ADORA1: variants seen among roughly 807,000 people sequenced by gnomAD.
ADORA1 encodes adenosine receptor A1.
A neutral mutation model predicts 19.9 loss-of-function variants in ADORA1; 6 were observed. That is an observed-to-expected ratio of 0.30 (90% CI 0.17 to 0.59). The LOEUF (loss-of-function observed/expected upper bound fraction) is 0.59. Ranked by LOEUF, ADORA1 falls within the 20% of genes least tolerant of loss-of-function variation. The pLI is 0.87. For missense variants in ADORA1, 302 were observed against 439.2 expected, an observed-to-expected ratio of 0.69 and a Z score of 2.79; for synonymous variants, 194 against 188.4, an observed-to-expected ratio of 1.03 and a Z score of -0.24.
intron 3 of ADORA1, among the ~76,000 whole-genome samples, chr1:203,158,960 C>T (rs1655280111): frequency 6.6e-6 from 1 of 152,226 alleles, no homozygotes; most frequent in Admixed American, 6.5e-5. Context: ...TTCAAGAGGG[C>T]AGAGCTCTCA....
intron 3 of ADORA1, among the ~76,000 whole-genome samples, chr1:203,135,109 C>A (rs959576959): frequency 1.2e-4 from 18 of 152,282 alleles, no homozygotes; most frequent in African/African-American, 4.1e-4. Context: ...GGGTAGCTTT[C>A]TAGTCAATGT....
At chr1:203,153,019 T>G (rs1655085775) in intron 3 of ADORA1, among the ~76,000 whole-genome samples, 1 of 152,162 alleles carries the variant, frequency 6.6e-6, no homozygotes, top group South Asian at 2.1e-4. Context: ...CACCCCACCC[T>G]CTGAAGCCCC....
chr1:203,144,849 T>C (rs1021519782), intron 3 of ADORA1: 3 of 151,610 alleles, frequency 2.0e-5, no homozygotes, highest in African/African-American at 7.3e-5. Flanking sequence ...ACAGGAAGAG[T>C]AGGGCCTGGA....
chr1:203,132,376 C>G (rs553814420), intron 3 of ADORA1, among the ~76,000 whole-genome samples: 5 of 152,126 alleles, frequency 3.3e-5, no homozygotes, highest in Non-Finnish European at 7.4e-5. Flanking sequence ...GGGAAGGAGA[C>G]CCTAGCAAGG....
At chr1:203,147,057 T>C (rs1461965778) in intron 3 of ADORA1, among the ~76,000 whole-genome samples, 1 of 152,218 alleles carries the variant, frequency 6.6e-6, no homozygotes, top group Non-Finnish European at 1.5e-5. Flanking sequence ...CTGGGTTCAG[T>C]CTCAGCTTAA....
At position 203,166,124 on chromosome 1, in the gene ADORA1, C is replaced by T. The variant is rs201011370; in HGVS notation, c.*224C>T. 52 of 501,338 alleles carry T rather than the reference C, an allele frequency of 1.0e-4. No homozygotes were observed. Among genetic ancestry groups the T allele is most frequent in the South Asian group, 1.0e-3 (16 of 15,642 alleles). The allele number at this position is 501,338 out of a possible 1,614,324, so 31.1% of individuals were successfully genotyped here. A position where few individuals can be genotyped will look rare whatever the true frequency, so the allele number is the denominator to read the frequency against. On this transcript the variant is annotated 3_prime_UTR_variant, in exon 4 of 4. Coordinates refer to ENST00000337894, the MANE Select transcript of ADORA1 (RefSeq NM_000674.3). ...GAGGCCTGGGAGGGCAAGGGTCCTA[C>T]GGAGGGACCAGGTGTCTAGAGGCAA...
chr1:203,153,047 T>A (rs894983793), intron 3 of ADORA1, among the ~76,000 whole-genome samples: 3 of 152,116 alleles, frequency 2.0e-5, no homozygotes, highest in African/African-American at 7.2e-5. Context: ...TCAGAACCAC[T>A]GAGCAAATCC....
intron 3 of ADORA1, among the ~76,000 whole-genome samples, chr1:203,154,832 C>T (rs1474505010): frequency 6.6e-6 from 1 of 152,174 alleles, no homozygotes; most frequent in African/African-American, 2.4e-5. Context: ...ACTCCAGTCT[C>T]ATCCCTGCAG....
At chr1:203,153,697 C>A (rs2102757876) in intron 3 of ADORA1, among the ~76,000 whole-genome samples, 1 of 152,272 alleles carries the variant, frequency 6.6e-6, no homozygotes, top group Non-Finnish European at 1.5e-5. Context: ...ATCCTGCCCC[C>A]TCCCCAGGGC....
chr1:203,148,044 C>A (rs1654916839), intron 3 of ADORA1, among the ~76,000 whole-genome samples: 1 of 152,124 alleles, frequency 6.6e-6, no homozygotes, highest in Non-Finnish European at 1.5e-5. Flanking sequence ...CATGATGAAA[C>A]CCCGTCTCTA....
Position 203,159,852 on chromosome 1 carries a change from C to T in ADORA1, c.342-5409C>T, listed in dbSNP as rs550839375. On this transcript the variant is annotated intron_variant, in intron 3 of 3. Transcript: ENST00000337894. ...GCAAGAACAAGACAGCAACTAAATACCTAGGCAGCACATGCATGTGAACAG... is the reference window on the plus strand; with the variant it reads ...GCAAGAACAAGACAGCAACTAAATATCTAGGCAGCACATGCATGTGAACAG... Among the ~76,000 whole-genome samples, 39 of 152,350 alleles carry T rather than the reference C, an allele frequency of 2.6e-4. No individual in the cohort carries two copies. In the Middle Eastern group the frequency reaches 0.01, roughly 40 times the overall value.
chr1:203,128,709 T>C lies in ADORA1; in HGVS notation c.-57-76T>C. 1 of 1,472,460 alleles carries C rather than the reference T, an allele frequency of 6.8e-7. No homozygotes were observed. The highest frequency in any genetic ancestry group is 9.0e-7 in the Non-Finnish European group (1 of 1,112,602). The allele number at this position is 1,472,460 out of a possible 1,614,324, so 91.2% of individuals were successfully genotyped here. ...CAAGTGGGACACATCACAGGGTACC[T>C]GGAGTTCCAGGGCAGCCTGAGCTCC... is the stretch of plus-strand genomic sequence containing the variant. On this transcript the variant is annotated intron_variant, in intron 2 of 3. Transcript: ENST00000337894. The surrounding 1 kb of genome is among the most constrained non-coding windows in gnomAD (Gnocchi z 5.9).
At chr1:203,147,234 G>A (rs1351545842) in intron 3 of ADORA1, among the ~76,000 whole-genome samples, 2 of 152,214 alleles carry the variant, frequency 1.3e-5, no homozygotes, top group Non-Finnish European at 2.9e-5. Context: ...GCTCTGCCAG[G>A]GGTGTTGTGA....
chr1:203,136,020 C>T (rs1302490623), intron 3 of ADORA1, among the ~76,000 whole-genome samples: 2 of 152,118 alleles, frequency 1.3e-5, no homozygotes, highest in Non-Finnish European at 2.9e-5. Context: ...AAGCAGTGTC[C>T]CTGGGAGAGG....
intron 3 of ADORA1, chr1:203,164,938 A>G (rs1430668722): frequency 9.1e-7 from 1 of 1,103,158 alleles, no homozygotes; most frequent in African/African-American, 1.6e-5. Context: ...CAGTGGGGGC[A>G]TGCTGAGCAC....
chr1:203,148,120 G>A (rs949541565), intron 3 of ADORA1, among the ~76,000 whole-genome samples: 3 of 152,236 alleles, frequency 2.0e-5, no homozygotes, highest in Admixed American at 6.5e-5. Context: ...TCGGGAGGCT[G>A]AGGCAGGAGA....
At chr1:203,150,397 C>T (rs1048250855) in intron 3 of ADORA1, among the ~76,000 whole-genome samples, 28 of 152,304 alleles carry the variant, frequency 1.8e-4, no homozygotes, top group African/African-American at 3.1e-4. Flanking sequence ...GACTGGTTCC[C>T]GGATTGGGCC....
At chr1:203,160,009 G>GC (rs1183851720) in intron 3 of ADORA1, among the ~76,000 whole-genome samples, 2 of 152,214 alleles carry the variant, frequency 1.3e-5, no homozygotes, top group African/African-American at 4.8e-5. Flanking sequence ...TGCCTTCTGG[G>GC]CCCTAGCCAT....
chr1:203,138,584 G>A (rs112365924), intron 3 of ADORA1, among the ~76,000 whole-genome samples: 87 of 152,288 alleles, frequency 5.7e-4, no homozygotes, highest in Non-Finnish European at 1.2e-3. Context: ...AGTGAGATAA[G>A]GACTGAGAAT....
Sources: gnomAD v4.1 joint callset for allele counts (sites outside exome capture counted in the v4.1 genomes callset) on GRCh38, gnomAD v4.1.1 for gene constraint, Gnocchi (gnomAD v3.1) non-coding constraint, MANE v1.5 for transcripts, NCBI Gene and HGNC (gene_info 2026-07-23, HGNC 2026-07-21) for gene names.